The following XNDC1N variants were observed in gnomAD, a reference collection of about 807,000 sequenced individuals.
XNDC1N encodes the protein protein XNDC1N.
the XNDC1N span, among the ~76,000 whole-genome samples, chr11:71,872,677 G>A: frequency 6.6e-6 from 1 of 152,084 alleles, no homozygotes; most frequent in East Asian, 1.9e-4. Context: ...GCAGTGAGTC[G>A]AGATCGCGCC....
chr11:71,868,851 G>A, the XNDC1N span, among the ~76,000 whole-genome samples: 2 of 152,108 alleles, frequency 1.3e-5, no homozygotes, highest in African/African-American at 4.8e-5. Context: ...AATTTTTATG[G>A]AAGATATCCT....
At chr11:71,874,088 G>A in the XNDC1N span, among the ~76,000 whole-genome samples, 7 of 152,274 alleles carry the variant, frequency 4.6e-5, no homozygotes, top group African/African-American at 1.7e-4. Flanking sequence ...GCCAAGGCAG[G>A]CGGATCATCT....
the XNDC1N span, among the ~76,000 whole-genome samples, chr11:71,871,411 C>G: frequency 0.025 from 3,800 of 152,258 alleles, 54 homozygotes; most frequent in East Asian, 0.076. Context: ...TCAAACAGTA[C>G]AAAGCCTCAA....
chr11:71,910,015 C>G, the XNDC1N span, among the ~76,000 whole-genome samples: 1 of 152,158 alleles, frequency 6.6e-6, no homozygotes, highest in East Asian at 1.9e-4. Context: ...AGACAACTCT[C>G]CGGGATTGGC....
At chr11:71,895,661 T>C in the XNDC1N span, among the ~76,000 whole-genome samples, 1 of 152,338 alleles carries the variant, frequency 6.6e-6, no homozygotes, top group South Asian at 2.1e-4. Context: ...TTTGTTGAAG[T>C]TCTACATTTA....
At chr11:71,870,597 T>G in the XNDC1N span, among the ~76,000 whole-genome samples, 1 of 152,162 alleles carries the variant, frequency 6.6e-6, no homozygotes, top group African/African-American at 2.4e-5. Flanking sequence ...AAAGAGACAG[T>G]CTACAGATTG....
the XNDC1N span, chr11:71,893,881 C>T: frequency 1.1e-6 from 1 of 947,436 alleles, no homozygotes; most frequent in Non-Finnish European, 1.5e-6. Context: ...CATCGTGAAT[C>T]CTCACCTCTG....
At chr11:71,881,893 A>C in the XNDC1N span, among the ~76,000 whole-genome samples, 2 of 152,180 alleles carry the variant, frequency 1.3e-5, no homozygotes, top group Non-Finnish European at 2.9e-5. Context: ...ATATATGTGT[A>C]ATGAAGTATC....
At chr11:71,884,425 A>G in the XNDC1N span, 63 of 1,595,528 alleles carry the variant, frequency 3.9e-5, no homozygotes, top group South Asian at 6.8e-4. Context: ...TTCACTTCTA[A>G]TGATGAATGT....
At chr11:71,871,650 A>G in the XNDC1N span, among the ~76,000 whole-genome samples, 1 of 152,196 alleles carries the variant, frequency 6.6e-6, no homozygotes, top group African/African-American at 2.4e-5. Context: ...GACAACTATA[A>G]TTTATCAATT....
chr11:71,919,625 T>G, the XNDC1N span, among the ~76,000 whole-genome samples: 1,719 of 68,820 alleles, frequency 0.025, 40 homozygotes, highest in African/African-American at 0.057. Flanking sequence ...TTGTTTGTTT[T>G]TTTTTTTTTT....
the XNDC1N span, among the ~76,000 whole-genome samples, chr11:71,891,736 G>C: frequency 6.6e-6 from 1 of 152,052 alleles, no homozygotes; most frequent in South Asian, 2.1e-4. Flanking sequence ...AAAAAAGGGT[G>C]TACAACCCCT....
At chr11:71,866,823 C>T in the XNDC1N span, among the ~76,000 whole-genome samples, 1 of 151,596 alleles carries the variant, frequency 6.6e-6, no homozygotes, top group Non-Finnish European at 1.5e-5. Context: ...ACTCTCAGAC[C>T]TTTGCCAGTT....
the XNDC1N span, among the ~76,000 whole-genome samples, chr11:71,891,732 G>A: frequency 6.6e-6 from 1 of 151,736 alleles, no homozygotes; most frequent in Admixed American, 6.6e-5. Flanking sequence ...AAACAAAAAA[G>A]GGTGTACAAC....
chr11:71,889,504 G>T, the XNDC1N span, among the ~76,000 whole-genome samples: 10 of 152,356 alleles, frequency 6.6e-5, no homozygotes, highest in Non-Finnish European at 1.0e-4. Context: ...GGAAGGACAA[G>T]TGATGGAGGA....
At chr11:71,914,449 G>A in the XNDC1N span, 2 of 449,180 alleles carry the variant, frequency 4.5e-6, no homozygotes, top group Non-Finnish European at 8.9e-6. Flanking sequence ...AACTTTGGAT[G>A]GCTGAGGCGG....
chr11:71,904,921 A>G, the XNDC1N span, among the ~76,000 whole-genome samples: 1 of 152,030 alleles, frequency 6.6e-6, no homozygotes, highest in African/African-American at 2.4e-5. Context: ...CCCCTAGGAC[A>G]TTACGAATAA....
At chr11:71,898,784 G>A in the XNDC1N span, among the ~76,000 whole-genome samples, 1 of 152,164 alleles carries the variant, frequency 6.6e-6, no homozygotes, top group East Asian at 1.9e-4. Context: ...TTCTGGAGAC[G>A]ATGACGGTGA....
At chr11:71,870,075 G>C in the XNDC1N span, among the ~76,000 whole-genome samples, 28,582 of 152,026 alleles carry the variant, frequency 0.19, 4,914 homozygotes, top group African/African-American at 0.45. Flanking sequence ...GCTTGTGCAG[G>C]GGAATTCCCA....
Sources: allele counts gnomAD v4.1 joint callset (sites outside exome capture counted in the v4.1 genomes callset), GRCh38; gene constraint gnomAD v4.1.1; transcripts MANE v1.5; gene names NCBI Gene and HGNC (gene_info 2026-07-23, HGNC 2026-07-21).